Variants in SLC8A1 observed in about 807,000 individuals in gnomAD.
SLC8A1 encodes sodium/calcium exchanger 1.
A neutral mutation model predicts 68.3 loss-of-function variants in SLC8A1; 18 were observed. That is an observed-to-expected ratio of 0.26 (90% CI 0.18 to 0.39). The LOEUF (loss-of-function observed/expected upper bound fraction) is 0.39, where lower values mean the gene tolerates loss of function less well. Ranked by LOEUF, SLC8A1 falls within the 10% of genes least tolerant of loss-of-function variation. SLC8A1 has a pLI of 1.00. For missense variants in SLC8A1, 985 were observed against 1,156.7 expected (o/e 0.85, Z 2.15); for synonymous variants, 475 against 415.5 (o/e 1.14, Z -1.74).
intron 1 of SLC8A1, among the ~76,000 whole-genome samples, chr2:40,510,048 G>T (rs553846557): frequency 6.6e-6 from 1 of 152,152 alleles, no homozygotes; most frequent in African/African-American, 2.4e-5. Flanking sequence ...GGAGGGTCTC[G>T]ATCTCTTGAC....
intron 1 of SLC8A1, among the ~76,000 whole-genome samples, chr2:40,491,663 T>G (rs1226150449): frequency 6.6e-6 from 1 of 152,158 alleles, no homozygotes; most frequent in Non-Finnish European, 1.5e-5. Flanking sequence ...CATCAATACC[T>G]AATTTATTGA....
At chr2:40,469,516 G>A (rs1342547877) in intron 1 of SLC8A1, among the ~76,000 whole-genome samples, 1 of 152,104 alleles carries the variant, frequency 6.6e-6, no homozygotes, top group East Asian at 1.9e-4. Context: ...CTCAGTTTTA[G>A]GTAGTTCCTA....
At chr2:40,165,197 A>T (rs2046341735) in intron 4 of SLC8A1, among the ~76,000 whole-genome samples, 2 of 152,224 alleles carry the variant, frequency 1.3e-5, no homozygotes, top group Admixed American at 1.3e-4. Flanking sequence ...AACATCTCAC[A>T]ATCTAAGCTC....
At chr2:40,132,148 C>T (rs2039504498) in intron 7 of SLC8A1, among the ~76,000 whole-genome samples, 1 of 151,808 alleles carries the variant, frequency 6.6e-6, no homozygotes. Flanking sequence ...TTAAAAATTT[C>T]TTAAAACGTT....
At chr2:40,198,778 C>A (rs555786221) in intron 2 of SLC8A1, among the ~76,000 whole-genome samples, 1 of 151,888 alleles carries the variant, frequency 6.6e-6, no homozygotes, top group African/African-American at 2.4e-5. Flanking sequence ...GAGAGTGACT[C>A]CAAAATGTGG....
chr2:40,445,635 A>G (rs1701299237), intron 1 of SLC8A1, among the ~76,000 whole-genome samples: 1 of 152,174 alleles, frequency 6.6e-6, no homozygotes, highest in African/African-American at 2.4e-5. Context: ...AGTGCTAGCC[A>G]TGGTATGAAG....
intron 2 of SLC8A1, among the ~76,000 whole-genome samples, chr2:40,206,779 T>C (rs2055535867): frequency 6.6e-6 from 1 of 152,028 alleles, no homozygotes; most frequent in African/African-American, 2.4e-5. Context: ...TCAGATATGT[T>C]TCTGAACCAG....
At chr2:40,463,807 T>A (rs1230279757) in intron 1 of SLC8A1, among the ~76,000 whole-genome samples, 1 of 143,350 alleles carries the variant, frequency 7.0e-6, no homozygotes, top group Non-Finnish European at 1.5e-5. Flanking sequence ...GGGAGGAGGA[T>A]TAAAGAGGAT....
At chr2:40,468,469 T>A (rs542339453) in intron 1 of SLC8A1, among the ~76,000 whole-genome samples, 1 of 152,284 alleles carries the variant, frequency 6.6e-6, no homozygotes, top group East Asian at 1.9e-4. Flanking sequence ...TAAGTTTAAA[T>A]AAGCGCCTTC....
intron 2 of SLC8A1, among the ~76,000 whole-genome samples, chr2:40,179,404 C>A (rs971856435): frequency 3.3e-5 from 5 of 152,210 alleles, no homozygotes; most frequent in African/African-American, 1.2e-4. Flanking sequence ...GACTGACAGG[C>A]AGGTAGGACA....
intron 2 of SLC8A1, among the ~76,000 whole-genome samples, chr2:40,375,118 G>A (rs1016226414): frequency 3.2e-4 from 48 of 152,136 alleles, no homozygotes; most frequent in African/African-American, 1.1e-3. Flanking sequence ...TTGATGCTGT[G>A]TTTGCAGCTG....
intron 2 of SLC8A1, among the ~76,000 whole-genome samples, chr2:40,340,565 A>G (rs573934803): frequency 1.8e-4 from 27 of 152,086 alleles, no homozygotes; most frequent in African/African-American, 5.1e-4. Context: ...CTTCTTAAAA[A>G]GAAGAAGAAG....
intron 2 of SLC8A1, among the ~76,000 whole-genome samples, chr2:40,426,663 A>C (rs187048358): frequency 6.6e-6 from 1 of 152,086 alleles, no homozygotes; most frequent in Non-Finnish European, 1.5e-5. Context: ...AATTTTCAAA[A>C]GAAAATATGC....
chr2:40,478,605 A>T (rs560189958), intron 1 of SLC8A1, among the ~76,000 whole-genome samples: 49 of 152,294 alleles, frequency 3.2e-4, no homozygotes, highest in Non-Finnish European at 4.6e-4. Context: ...TTCTATAAAT[A>T]TGAGTGTATT....
intron 2 of SLC8A1, among the ~76,000 whole-genome samples, chr2:40,284,348 TATATATAG>T (rs1029665081): frequency 1.5e-5 from 2 of 136,858 alleles, no homozygotes; most frequent in African/African-American, 2.5e-5. Flanking sequence ...TCTATATAAA[TATATATAG>T]ATATATACAT....
At chr2:40,504,565 C>G (rs1013240952) in intron 1 of SLC8A1, among the ~76,000 whole-genome samples, 1 of 151,916 alleles carries the variant, frequency 6.6e-6, no homozygotes, top group South Asian at 2.1e-4. Context: ...ACCCATCTGA[C>G]AAGGAATTAA....
At chr2:40,473,023 C>T (rs1704079909) in intron 1 of SLC8A1, among the ~76,000 whole-genome samples, 1 of 146,842 alleles carries the variant, frequency 6.8e-6, no homozygotes, top group African/African-American at 2.5e-5. Context: ...GGAGGGTAAC[C>T]TGAGAGCAGC....
chr2:40,244,538 G>A (rs1329802700), intron 2 of SLC8A1, among the ~76,000 whole-genome samples: 1 of 140,234 alleles, frequency 7.1e-6, no homozygotes, highest in African/African-American at 2.7e-5. Flanking sequence ...AGCTGAGTAG[G>A]CAAGTGGTGT....
At chr2:40,158,815 T>C (rs892993431) in intron 6 of SLC8A1, among the ~76,000 whole-genome samples, 2 of 152,160 alleles carry the variant, frequency 1.3e-5, no homozygotes, top group African/African-American at 4.8e-5. Flanking sequence ...ATAATTATAA[T>C]ATTAAACACA....
Sources: allele counts gnomAD v4.1 joint callset (sites outside exome capture counted in the v4.1 genomes callset), GRCh38; gene constraint gnomAD v4.1.1; transcripts MANE v1.5; gene names NCBI Gene and HGNC (gene_info 2026-07-23, HGNC 2026-07-21).